AK8: variants seen among roughly 807,000 people sequenced by gnomAD.
The protein encoded by AK8 is ATP-AMP transphosphorylase 8.
Under a neutral mutation model 54.6 loss-of-function variants are expected in AK8, and 44 were observed. The ratio of observed to expected loss-of-function variants is 0.81; its 90% CI spans 0.63 to 1.04. AK8 has a LOEUF of 1.04. Ranked by LOEUF, AK8 falls within the 50% of genes least tolerant of loss-of-function variation. AK8 has a pLI of 0.00. For synonymous variants in AK8, 239 were observed against 245.6 expected (o/e 0.97, Z 0.25); for missense variants, 555 against 613.6 (o/e 0.90, Z 1.01).
At chr9:132,740,542 A>G (rs1837321594) in intron 11 of AK8, among the ~76,000 whole-genome samples, 1 of 152,150 alleles carries the variant, frequency 6.6e-6, no homozygotes, top group Non-Finnish European at 1.5e-5. Context: ...TGAGACATGG[A>G]ATAGACATTT....
Position 132,799,831 on chromosome 9 carries a change from AAATT to A in AK8, c.980-7060_980-7057del, listed in dbSNP as rs1164209797. 1.1e-4 allele frequency among the ~76,000 whole-genome samples: 16 copies of A among 152,116 alleles called. No homozygotes were observed. The highest frequency in any genetic ancestry group is 1.0e-3 in the Admixed American group (16 of 15,280). Reference sequence around the variant, plus strand: ...TCTTTCCTTCTTCAAGCCCTCCTTGAAATTGATGTCAAGATGAGCATCAGTGTTC... The same window carrying A: ...TCTTTCCTTCTTCAAGCCCTCCTTGAGATGTCAAGATGAGCATCAGTGTTC... On this transcript the variant is annotated intron_variant, in intron 10 of 12. Transcript: ENST00000298545. The surrounding 1 kb of genome is among the most constrained non-coding windows in gnomAD (Gnocchi z 5.0).
chr9:132,870,083 C>T (rs1329360420), intron 2 of AK8, among the ~76,000 whole-genome samples: 2 of 152,140 alleles, frequency 1.3e-5, no homozygotes, highest in Non-Finnish European at 2.9e-5. Context: ...CTTTGGGGAG[C>T]GAACCTGACT....
intron 11 of AK8, among the ~76,000 whole-genome samples, chr9:132,785,296 G>A (rs1468474770): frequency 6.6e-6 from 1 of 152,056 alleles, no homozygotes; most frequent in Non-Finnish European, 1.5e-5. Flanking sequence ...TAGAGACAGG[G>A]TTCCACCATA....
At chr9:132,727,585 T>C in intron 11 of AK8, 51 bp from the exon 12 acceptor site, 3 of 1,546,874 alleles carry the variant, frequency 1.9e-6, no homozygotes, top group Non-Finnish European at 2.7e-6. Context: ...CTGTATTTTA[T>C]GATGCTGTGA....
intron 11 of AK8, among the ~76,000 whole-genome samples, chr9:132,777,940 G>A (rs776948410): frequency 7.9e-5 from 12 of 152,290 alleles, no homozygotes; most frequent in Non-Finnish European, 1.3e-4. Flanking sequence ...AAAGCTGCCC[G>A]ATTTGAGGCA....
intron 11 of AK8, among the ~76,000 whole-genome samples, chr9:132,763,638 T>C (rs1838588028): frequency 6.6e-6 from 1 of 152,262 alleles, no homozygotes; most frequent in African/African-American, 2.4e-5. Flanking sequence ...TCAATCCAGT[T>C]GTTTTTGTAC....
chr9:132,845,834 C>T (rs1377154285), intron 5 of AK8, among the ~76,000 whole-genome samples: 1 of 151,604 alleles, frequency 6.6e-6, no homozygotes, highest in Non-Finnish European at 1.5e-5. Context: ...TTTGGGATAT[C>T]CAGCTGCAAA....
intron 9 of AK8, among the ~76,000 whole-genome samples, chr9:132,821,538 A>G (rs994166851): frequency 6.6e-6 from 1 of 152,048 alleles, no homozygotes; most frequent in Non-Finnish European, 1.5e-5. Flanking sequence ...GTAATTGTTC[A>G]GGTCTCTATC....
At chr9:132,759,295 T>C (rs1245187120) in intron 11 of AK8, among the ~76,000 whole-genome samples, 3 of 152,136 alleles carry the variant, frequency 2.0e-5, no homozygotes, top group African/African-American at 7.2e-5. Flanking sequence ...CCCATTTTTA[T>C]ATTAAGCATA....
At chr9:132,807,849 C>T (rs1840792703) in intron 10 of AK8, among the ~76,000 whole-genome samples, 1 of 152,052 alleles carries the variant, frequency 6.6e-6, no homozygotes, top group African/African-American at 2.4e-5. Context: ...AAGCTCTGGG[C>T]CTCCAGAATT....
intron 10 of AK8, among the ~76,000 whole-genome samples, chr9:132,812,959 T>C (rs1399767858): frequency 8.8e-6 from 1 of 113,768 alleles, no homozygotes; most frequent in Non-Finnish European, 1.8e-5. Context: ...CCTACACAGA[T>C]CACCTCATTC....
At chr9:132,778,900 C>T (rs1164224432) in intron 11 of AK8, among the ~76,000 whole-genome samples, 5 of 150,502 alleles carry the variant, frequency 3.3e-5, no homozygotes, top group African/African-American at 1.2e-4. Flanking sequence ...TTTCTTGGCT[C>T]GATGGGGTCC....
At chr9:132,831,080 G>A (rs1444850212) in intron 5 of AK8, among the ~76,000 whole-genome samples, 1 of 152,134 alleles carries the variant, frequency 6.6e-6, no homozygotes, top group Non-Finnish European at 1.5e-5. Context: ...ATGCTGATAC[G>A]ACATTGGCTC....
upstream of AK8, chr9:132,878,537 C>T (rs370498317): frequency 4.5e-4 from 526 of 1,174,418 alleles, 11 homozygotes; most frequent in South Asian, 0.019. This position sits in a 1 kb window ranked among gnomAD's most constrained non-coding sequence, Gnocchi z 4.7. Flanking sequence ...GTATCTGAGA[C>T]CCCCGACGAA....
chr9:132,813,490 G>A (rs980553559), intron 10 of AK8, among the ~76,000 whole-genome samples: 3 of 152,248 alleles, frequency 2.0e-5, no homozygotes, highest in Non-Finnish European at 4.4e-5. Flanking sequence ...AATGGCAGCT[G>A]CTTCTGGAAT....
intron 5 of AK8, among the ~76,000 whole-genome samples, chr9:132,830,530 CAT>C (rs149575044): frequency 0.018 from 2,758 of 152,184 alleles, 35 homozygotes; most frequent in African/African-American, 0.032. Flanking sequence ...GTATTTTTTC[CAT>C]ATGTTTGTTA....
At position 132,854,937 on chromosome 9, in the gene AK8, AG is replaced by A; in HGVS notation, c.334-13del. ...GCGCTGGGAACTGTCTGAAGGAAAA[AG>A]GACACACAGAATGATGGCCCAAACC... is the stretch of plus-strand genomic sequence containing the variant. On this transcript the variant is annotated splice_polypyrimidine_tract_variant and intron_variant, in intron 4 of 12. Transcript: ENST00000298545. 1 of 1,613,982 alleles carries A rather than the reference AG, an allele frequency of 6.2e-7. No individual in the cohort carries two copies.
chr9:132,733,817 T>C (rs918283455), intron 11 of AK8, among the ~76,000 whole-genome samples: 14 of 152,170 alleles, frequency 9.2e-5, no homozygotes, highest in African/African-American at 3.4e-4. Flanking sequence ...AAACAGGGTG[T>C]GCTGGGCAGA....
Position 132,878,155 on chromosome 9 carries a change from CA to C in AK8, c.84+16del, listed in dbSNP as rs751800480. On this transcript the variant is annotated intron_variant, in intron 1 of 12. Coordinates refer to ENST00000298545, the MANE Select transcript of AK8 (RefSeq NM_152572.3). This position sits in a 1 kb window ranked among gnomAD's most constrained non-coding sequence, Gnocchi z 4.7. ...GAGCCGCCGCCAGCGTCGCGACGGG[CA>C]GGGGTGTCCGGTCACCTGCATCAAC... The C allele has an allele frequency of 1.3e-6, 2 of 1,524,466 alleles. No individual in the cohort carries two copies. The highest frequency in any genetic ancestry group is 1.8e-6 in the Non-Finnish European group (2 of 1,135,596). The allele number at this position is 1,524,466 out of a possible 1,614,324, so 94.4% of individuals were successfully genotyped here. A position where few individuals can be genotyped will look rare whatever the true frequency, so the allele number is the denominator to read the frequency against.
Sources: allele counts gnomAD v4.1 joint callset (sites outside exome capture counted in the v4.1 genomes callset), GRCh38; gene constraint gnomAD v4.1.1; non-coding constraint Gnocchi (gnomAD v3.1); transcripts MANE v1.5; gene names NCBI Gene and HGNC (gene_info 2026-07-23, HGNC 2026-07-21).